NALCN: variants seen among roughly 807,000 people sequenced by gnomAD.
NALCN encodes the protein sodium leak channel NALCN.
A neutral mutation model predicts 225.3 loss-of-function variants in NALCN; 111 were observed. The observed-to-expected ratio is 0.49, with a 90% CI of 0.42 to 0.58. The LOEUF is 0.58. Ranked by LOEUF, NALCN falls within the 20% of genes least tolerant of loss-of-function variation. The pLI, the probability that NALCN is intolerant of heterozygous loss-of-function variation, is 0.00. For synonymous variants in NALCN, 764 were observed against 769.0 expected (o/e 0.99, Z 0.11); for missense variants, 1,378 against 2,202.4 (o/e 0.63, Z 7.49).
intron 13 of NALCN, among the ~76,000 whole-genome samples, chr13:101,219,854 T>C (rs914272799): frequency 2.0e-5 from 3 of 152,176 alleles, no homozygotes; most frequent in Admixed American, 2.0e-4. Flanking sequence ...GCTGTGTAAC[T>C]TTGTGTGGGT....
chr13:101,165,440 C>A (rs1215123216), intron 15 of NALCN, among the ~76,000 whole-genome samples: 2 of 152,134 alleles, frequency 1.3e-5, no homozygotes, highest in African/African-American at 4.8e-5. Flanking sequence ...AAAAAACATA[C>A]AACATAAATT....
Position 101,058,052 on chromosome 13 carries a change from C to A in NALCN, c.4910G>T (p.Ser1637Ile). Residue 1637 changes from serine to isoleucine, a missense_variant, in exon 43 of 44, where the codon AGC (serine) becomes ATC (isoleucine). Physicochemically the swap from Ser to Ile is moderately radical, Grantham distance 142. Around this residue, in one of 19 missense-constraint regions of NALCN, gnomAD observed 145 missense variants for 169.6 expected, o/e 0.85. Transcript: ENST00000251127. ...SQDNSMQPET[S>I]SQQQLLSPTL... ...GGGGCTCAGGAGCTGCTGCTGGCTG[C>A]TTGTCTGCATGGGAGGAGAAGCACA... 6.2e-7 allele frequency: 1 copy of A among 1,612,224 alleles called. No individual in the cohort carries two copies.
At chr13:101,351,306 T>A (rs17486703) in intron 6 of NALCN, among the ~76,000 whole-genome samples, 2 of 152,184 alleles carry the variant, frequency 1.3e-5, no homozygotes, top group African/African-American at 4.8e-5. Flanking sequence ...TGTATCAAAA[T>A]GAGTACTAGA....
rs778761293 is a variant in NALCN, at chr13:101,395,197, G to C, written c.277C>G (p.Arg93Gly). The C allele has an allele frequency of 1.2e-6, 2 of 1,612,924 alleles. No homozygotes were observed. Among genetic ancestry groups the C allele is most frequent in the Non-Finnish European group, 1.7e-6 (2 of 1,179,444 alleles). Residue 93 changes from arginine to glycine, a missense_variant, in exon 3 of 44, where the codon CGG becomes GGG. Around this residue, in one of 19 missense-constraint regions of NALCN, gnomAD observed 146 missense variants for 205.9 expected, o/e 0.71. Coordinates refer to ENST00000251127, the MANE Select transcript of NALCN (RefSeq NM_052867.4). Reference sequence around the variant, plus strand: ...GAAGTGCTCACCTTGACAATGCCCCGGATGTGCATTTTTGCTATCATCTCT... The same window carrying C: ...GAAGTGCTCACCTTGACAATGCCCCCGATGTGCATTTTTGCTATCATCTCT... Reference protein sequence around the residue: ...TAEMIAKMHIRGIVKGDSSYV... With the variant: ...TAEMIAKMHIGGIVKGDSSYV...
intron 14 of NALCN, among the ~76,000 whole-genome samples, chr13:101,179,223 G>A (rs192851304): frequency 3.9e-5 from 6 of 152,308 alleles, no homozygotes; most frequent in East Asian, 1.9e-4. Flanking sequence ...TGCCAGCTAT[G>A]AGCCACGTGG....
At chr13:101,354,109 C>T (rs890840358) in intron 6 of NALCN, among the ~76,000 whole-genome samples, 1 of 152,046 alleles carries the variant, frequency 6.6e-6, no homozygotes, top group Non-Finnish European at 1.5e-5. Flanking sequence ...TTTGGGAGGC[C>T]GAGGCGGGCG....
chr13:101,365,373 A>G (rs1384362231), intron 6 of NALCN, among the ~76,000 whole-genome samples: 2 of 152,160 alleles, frequency 1.3e-5, no homozygotes, highest in African/African-American at 4.8e-5. Flanking sequence ...CAAAGGACAT[A>G]GTCTCATTCT....
chr13:101,221,556 T>C (rs2040941538), intron 13 of NALCN, among the ~76,000 whole-genome samples: 1 of 152,154 alleles, frequency 6.6e-6, no homozygotes, highest in Non-Finnish European at 1.5e-5. Flanking sequence ...GCCATCACTA[T>C]TTCAGTCACT....
At chr13:101,262,596 C>T (rs757345239) in intron 10 of NALCN, among the ~76,000 whole-genome samples, 6 of 152,192 alleles carry the variant, frequency 3.9e-5, no homozygotes, top group Non-Finnish European at 7.4e-5. Context: ...ATCCTTTAGT[C>T]CTTGCAGCTC....
chr13:101,185,214 T>G (rs2039401067), intron 14 of NALCN, among the ~76,000 whole-genome samples: 1 of 152,200 alleles, frequency 6.6e-6, no homozygotes. Flanking sequence ...GATGCACTTT[T>G]AAATGAATTC....
chr13:101,058,213 G>C lies in NALCN; in HGVS notation c.4906-157C>G, dbSNP rs2031502965. On this transcript the variant is annotated intron_variant, in intron 42 of 43. Coordinates refer to ENST00000251127, the MANE Select transcript of NALCN (RefSeq NM_052867.4). The stretch of plus-strand genomic sequence containing the variant: ...GGGAAAAGTGAAAATGGGTATAAAG[G>C]GTCACAGAAGAAAAAGAGCCACCAC... 2.8e-5 allele frequency: 17 copies of C among 618,052 alleles called. No individual in the cohort carries two copies. The East Asian group carries it at 4.7e-4, about 17-fold the overall frequency. 38.3% of individuals were successfully genotyped at this position (618,052 alleles called of 1,614,324 possible). A position where few individuals can be genotyped will look rare whatever the true frequency, so the allele number is the denominator to read the frequency against.
At position 101,074,599 on chromosome 13, in the gene NALCN, C is replaced by T. The variant is rs1336752666; in HGVS notation, c.4018G>A (p.Val1340Ile). The T allele has an allele frequency of 6.2e-7, 1 of 1,613,496 alleles. No individual in the cohort carries two copies. The highest frequency in any genetic ancestry group is 8.5e-7 in the Non-Finnish European group (1 of 1,179,940). ...CACAGCAGCAAGAGAAACATGCCTA[C>T]TATGATAAAGAAGCTCTTGTACATG... ...VSMYKSFFII[V>I]GMFLLLLCYA... Residue 1340 changes from valine to isoleucine, a missense_variant, in exon 36 of 44, where the codon GTA becomes ATA. Transcript: ENST00000251127.
intron 13 of NALCN, among the ~76,000 whole-genome samples, chr13:101,197,967 A>G (rs2039957023): frequency 6.6e-6 from 1 of 152,204 alleles, no homozygotes; most frequent in Non-Finnish European, 1.5e-5. Context: ...ACAGACTGCA[A>G]TGATTTTTAC....
intron 15 of NALCN, among the ~76,000 whole-genome samples, chr13:101,163,323 C>T (rs2038280129): frequency 6.6e-6 from 1 of 152,094 alleles, no homozygotes; most frequent in Non-Finnish European, 1.5e-5. Context: ...CCATTGTAGA[C>T]TCGAGTGGAC....
At chr13:101,346,686 A>C (rs2139305872) in intron 6 of NALCN, among the ~76,000 whole-genome samples, 1 of 152,262 alleles carries the variant, frequency 6.6e-6, no homozygotes, top group Admixed American at 6.5e-5. Context: ...TATCAACTTG[A>C]TATAAAGGAT....
chr13:101,311,884 T>A (rs2044360057), intron 7 of NALCN, among the ~76,000 whole-genome samples: 1 of 151,956 alleles, frequency 6.6e-6, no homozygotes, highest in Non-Finnish European at 1.5e-5. Flanking sequence ...TAAAATGAGT[T>A]AGGGAGGATT....
intron 7 of NALCN, among the ~76,000 whole-genome samples, chr13:101,311,021 C>T (rs2044322987): frequency 6.6e-6 from 1 of 151,764 alleles, no homozygotes; most frequent in South Asian, 2.1e-4. Context: ...TTGTTTGTAT[C>T]CTCTTTTATT....
chr13:101,123,511 A>T (rs2139695249), intron 18 of NALCN, among the ~76,000 whole-genome samples: 1 of 152,262 alleles, frequency 6.6e-6, no homozygotes, highest in South Asian at 2.1e-4. Flanking sequence ...AGTAAGCCTA[A>T]GTTGGGGCGC....
intron 15 of NALCN, among the ~76,000 whole-genome samples, chr13:101,175,225 T>A (rs188279437): frequency 1.8e-4 from 27 of 146,238 alleles, no homozygotes; most frequent in Non-Finnish European, 3.6e-4. Flanking sequence ...CAAGTAGGAA[T>A]CTTCATAACA....
Sources: gnomAD v4.1 joint callset for allele counts (sites outside exome capture counted in the v4.1 genomes callset) on GRCh38, gnomAD v4.1.1 for gene constraint, gnomAD v4.1.1 regional missense constraint, MANE v1.5 for transcripts, NCBI Gene and HGNC (gene_info 2026-07-23, HGNC 2026-07-21) for gene names.